TBC1D5: variants seen among roughly 807,000 people sequenced by gnomAD.
The protein encoded by TBC1D5 is TBC1 domain family member 5.
Under a neutral mutation model 100.3 loss-of-function variants are expected in TBC1D5, and 75 were observed. That is an observed-to-expected ratio of 0.75 (90% confidence interval 0.62 to 0.91). The LOEUF (loss-of-function observed/expected upper bound fraction) is 0.91. TBC1D5 is among the 40% of genes least tolerant of loss of function. The pLI is 0.00. For missense variants in TBC1D5, 910 were observed against 942.4 expected, an observed-to-expected ratio of 0.97 and a Z score of 0.45; for synonymous variants, 323 against 325.6, an observed-to-expected ratio of 0.99 and a Z score of 0.09.
chr3:17,591,709 A>C (rs1281764802), intron 2 of TBC1D5, among the ~76,000 whole-genome samples: 1 of 152,228 alleles, frequency 6.6e-6, no homozygotes, highest in African/African-American at 2.4e-5. Context: ...TAAACTTAGC[A>C]GCTGGCTGAA....
At chr3:17,664,832 G>A (rs1481862283) in intron 1 of TBC1D5, 1 of 152,016 alleles carries the variant, frequency 6.6e-6, no homozygotes, top group Non-Finnish European at 1.5e-5. Context: ...TATTGGCTAG[G>A]TACTAGATAG....
intron 13 of TBC1D5, among the ~76,000 whole-genome samples, chr3:17,321,535 T>A (rs1365196936): frequency 6.6e-6 from 1 of 152,242 alleles, no homozygotes. Context: ...GATGAATATT[T>A]AATTCACACA....
chr3:17,551,834 T>C (rs1292994649), intron 2 of TBC1D5, among the ~76,000 whole-genome samples: 1 of 152,072 alleles, frequency 6.6e-6, no homozygotes, highest in Non-Finnish European at 1.5e-5. Flanking sequence ...GATCAAAACA[T>C]AAAACATATA....
At chr3:17,633,742 T>C (rs1171204505) in intron 1 of TBC1D5, among the ~76,000 whole-genome samples, 1 of 152,132 alleles carries the variant, frequency 6.6e-6, no homozygotes, top group African/African-American at 2.4e-5. Flanking sequence ...AGCATAGTTC[T>C]CAATACATTT....
intron 3 of TBC1D5, among the ~76,000 whole-genome samples, chr3:17,493,209 T>C (rs115853971): frequency 3.3e-5 from 5 of 152,136 alleles, no homozygotes; most frequent in Non-Finnish European, 5.9e-5. Flanking sequence ...TTTGGCCAGA[T>C]GTGAAATTGT....
chr3:17,248,714 G>T (rs1035350963), intron 16 of TBC1D5, among the ~76,000 whole-genome samples: 1 of 152,100 alleles, frequency 6.6e-6, no homozygotes, highest in Non-Finnish European at 1.5e-5. Context: ...CTGAACAGTA[G>T]GTCTCAACAG....
intron 16 of TBC1D5, among the ~76,000 whole-genome samples, chr3:17,240,294 A>T (rs1451330351): frequency 6.6e-6 from 1 of 152,198 alleles, no homozygotes; most frequent in South Asian, 2.1e-4. Flanking sequence ...TAAAAGAAAG[A>T]TCGATTCATT....
intron 2 of TBC1D5, among the ~76,000 whole-genome samples, chr3:17,578,807 T>C (rs367694813): frequency 3.9e-5 from 6 of 152,058 alleles, no homozygotes; most frequent in Non-Finnish European, 5.9e-5. Context: ...ATGGCAATTA[T>C]GTGGGTAAAA....
At chr3:17,612,888 C>CTTTTT (rs1236647091) in intron 2 of TBC1D5, among the ~76,000 whole-genome samples, 1 of 131,880 alleles carries the variant, frequency 7.6e-6, no homozygotes. Flanking sequence ...GCCCCCTTTT[C>CTTTTT]TTTTTTTTTT....
intron 14 of TBC1D5, among the ~76,000 whole-genome samples, chr3:17,292,957 G>C (rs1199934163): frequency 6.6e-6 from 1 of 152,126 alleles, no homozygotes; most frequent in Non-Finnish European, 1.5e-5. Flanking sequence ...TTGATTTTTA[G>C]ATTATTTTTT....
chr3:17,681,781 G>A (rs2069510471), intron 1 of TBC1D5, among the ~76,000 whole-genome samples: 1 of 151,572 alleles, frequency 6.6e-6, no homozygotes, highest in Non-Finnish European at 1.5e-5. Flanking sequence ...TGGCCTGTTA[G>A]AAGCCAGGCC....
chr3:17,259,714 GGGGGGGTT>G (rs1211947267), intron 15 of TBC1D5, among the ~76,000 whole-genome samples: 9 of 35,162 alleles, frequency 2.6e-4, no homozygotes, highest in Admixed American at 1.9e-3. Context: ...TGCAGGCACG[GGGGGGGTT>G]GCGGGGGGAT....
intron 1 of TBC1D5, among the ~76,000 whole-genome samples, chr3:17,731,593 G>A (rs573090698): frequency 8.8e-4 from 134 of 151,940 alleles, no homozygotes; most frequent in Admixed American, 2.2e-3. Flanking sequence ...TAAGAGAATC[G>A]TGAGAGCTTA....
chr3:17,727,098 A>G (rs1255493843), intron 1 of TBC1D5, among the ~76,000 whole-genome samples: 1 of 152,150 alleles, frequency 6.6e-6, no homozygotes, highest in Non-Finnish European at 1.5e-5. Flanking sequence ...ATGTACAAAA[A>G]TTGGCCGGAC....
At chr3:17,467,739 A>AATG (rs1202053732) in intron 3 of TBC1D5, among the ~76,000 whole-genome samples, 12 of 151,750 alleles carry the variant, frequency 7.9e-5, no homozygotes, top group African/African-American at 2.9e-4. Context: ...TAATAATAAT[A>AATG]ATAATAAAAT....
intron 13 of TBC1D5, among the ~76,000 whole-genome samples, chr3:17,351,561 A>C (rs1278906631): frequency 6.6e-6 from 1 of 152,176 alleles, no homozygotes; most frequent in South Asian, 2.1e-4. Flanking sequence ...GGGGAACATC[A>C]TACACCAAGG....
At chr3:17,368,258 T>C (rs1000681632) in intron 13 of TBC1D5, among the ~76,000 whole-genome samples, 2 of 152,178 alleles carry the variant, frequency 1.3e-5, no homozygotes, top group Admixed American at 6.5e-5. Context: ...ATTATCAAAT[T>C]TTAGTGCAAG....
intron 3 of TBC1D5, among the ~76,000 whole-genome samples, chr3:17,439,830 G>T (rs1228174963): frequency 6.6e-6 from 1 of 152,060 alleles, no homozygotes. Context: ...GTACAATATT[G>T]TACAAAATCC....
chr3:17,225,953 C>T (rs768606682), intron 17 of TBC1D5, among the ~76,000 whole-genome samples: 2 of 151,918 alleles, frequency 1.3e-5, no homozygotes, highest in African/African-American at 4.8e-5. Context: ...TATATGAAAA[C>T]CCTATACCAT....
Sources: allele counts gnomAD v4.1 joint callset (sites outside exome capture counted in the v4.1 genomes callset), GRCh38; gene constraint gnomAD v4.1.1; transcripts MANE v1.5; gene names NCBI Gene and HGNC (gene_info 2026-07-23, HGNC 2026-07-21).